NME8: variants seen among roughly 807,000 people sequenced by gnomAD.
The protein encoded by NME8 is protein NME8.
NME8 carries 72 observed loss-of-function variants against 82.3 expected under a neutral mutation model. The observed-to-expected ratio is 0.87, with a 90% CI of 0.72 to 1.06. The LOEUF is 1.06. Among genes scored for constraint, NME8 ranks in the 50% least tolerant of loss-of-function variants. The probability of loss-of-function intolerance (pLI) is 0.00; values close to 1 mark genes in which losing one functional copy is unlikely to be tolerated. For synonymous variants in NME8, 267 were observed against 228.5 expected, an observed-to-expected ratio of 1.17 and a Z score of -1.52; for missense variants, 712 against 685.4, an observed-to-expected ratio of 1.04 and a Z score of -0.43.
chr7:37,855,344 C>T (rs1319782788), intron 5 of NME8, among the ~76,000 whole-genome samples: 1 of 152,160 alleles, frequency 6.6e-6, no homozygotes, highest in African/African-American at 2.4e-5. Flanking sequence ...CTGGTGTTAT[C>T]TTTTCCTTTC....
At chr7:37,866,664 G>A (rs769089168) in intron 10 of NME8, among the ~76,000 whole-genome samples, 23 of 152,282 alleles carry the variant, frequency 1.5e-4, no homozygotes, top group Non-Finnish European at 2.5e-4. Flanking sequence ...CTAGTGACTG[G>A]GAAGGGATAG....
intron 14 of NME8, among the ~76,000 whole-genome samples, chr7:37,887,141 G>GA (rs1227374432): frequency 2.0e-5 from 3 of 152,134 alleles, no homozygotes; most frequent in Non-Finnish European, 4.4e-5. Flanking sequence ...AAGGACAACT[G>GA]AAAAAATACC....
In NME8 at chr7:37,897,870, T is replaced by C. The variant is rs572756848; in HGVS notation, c.*15+763T>C. 5.3e-5 allele frequency among the ~76,000 whole-genome samples: 8 copies of C among 152,354 alleles called. No individual in the cohort carries two copies. In the South Asian group the frequency reaches 1.5e-3, roughly 28 times the overall value. Reference sequence around the variant, plus strand: ...CTTTTGATGGCTGCGTAGTATTCCATGTACCACATTTTCTTTATCCAGTCT... The same window carrying C: ...CTTTTGATGGCTGCGTAGTATTCCACGTACCACATTTTCTTTATCCAGTCT... On this transcript the variant is annotated intron_variant, in intron 17 of 17. Transcript: ENST00000199447.
chr7:37,896,389 A>G (rs541237442), intron 16 of NME8, among the ~76,000 whole-genome samples: 5 of 152,312 alleles, frequency 3.3e-5, no homozygotes, highest in African/African-American at 9.6e-5. Context: ...ACCAGACAAC[A>G]GCCTCTGCTA....
rs766795421 is a variant in NME8, at chr7:37,894,605, A to T, written c.1539A>T (p.Leu513Phe). Reference sequence around the variant, plus strand: ...TTTATAAAGATTTATTGGAAATGTTATCTGTGTAAGTTTCTGATACATAAT... The same window carrying T: ...TTTATAAAGATTTATTGGAAATGTTTTCTGTGTAAGTTTCTGATACATAAT... ...KDFYKDLLEMLSVGPSMVMIL... is the reference protein window; with the variant it reads ...KDFYKDLLEMFSVGPSMVMIL... Residue 513 changes from leucine to phenylalanine, a missense_variant, in exon 16 of 18, where the codon TTA (leucine) becomes TTT (phenylalanine). Leu to Phe is a conservative substitution (Grantham distance 22, BLOSUM62 0). Transcript: ENST00000199447. 1.0e-5 allele frequency: 16 copies of T among 1,586,064 alleles called. No homozygotes were observed. The African/African-American group carries it at 1.5e-4, about 15-fold the overall frequency.
chr7:37,897,520 G>T (rs1317626668), intron 17 of NME8, among the ~76,000 whole-genome samples: 1 of 151,950 alleles, frequency 6.6e-6, no homozygotes, highest in Non-Finnish European at 1.5e-5. Flanking sequence ...ATCTTTATTT[G>T]TTCTAAACAA....
chr7:37,871,903 G>A (rs900868440), intron 11 of NME8, among the ~76,000 whole-genome samples: 1 of 151,954 alleles, frequency 6.6e-6, no homozygotes, highest in African/African-American at 2.4e-5. Context: ...AAGTCTGAAT[G>A]CTATACCCTG....
rs117445527 is a variant in NME8 at position 37,887,520 on chromosome 7, G to T, written c.1248-757G>T. Among the ~76,000 whole-genome samples the T allele has an allele frequency of 7.9e-3, 1,200 of 152,270 alleles. 16 individuals carry two copies. Among genetic ancestry groups the T allele is most frequent in the Admixed American group, 0.011 (168 of 15,274 alleles). On this transcript the variant is annotated intron_variant, in intron 14 of 17. Coordinates refer to ENST00000199447, the MANE Select transcript of NME8 (RefSeq NM_016616.5). ...TCTGCAAAATCACCTTCTGAAACAG[G>T]TTTTATTGTTGTATTTATATTTGAG...
chr7:37,885,333 A>G (rs759697628), intron 14 of NME8, 81 bp downstream of exon 14: 5 of 872,998 alleles, frequency 5.7e-6, no homozygotes, highest in South Asian at 4.2e-5. Flanking sequence ...TATTGGAACC[A>G]CAGCTCTAGT....
chr7:37,874,973 T>C (rs1451529832), intron 11 of NME8, among the ~76,000 whole-genome samples: 2 of 152,166 alleles, frequency 1.3e-5, no homozygotes, highest in Non-Finnish European at 2.9e-5. Context: ...ATACACCTCC[T>C]ATGTGATGGA....
intron 11 of NME8, among the ~76,000 whole-genome samples, chr7:37,873,527 A>G (rs1054371518): frequency 2.0e-5 from 3 of 150,228 alleles, no homozygotes; most frequent in African/African-American, 7.5e-5. Flanking sequence ...TGTATATATT[A>G]ATCTGTCACA....
intron 11 of NME8, among the ~76,000 whole-genome samples, chr7:37,870,660 G>C (rs1034180795): frequency 6.6e-6 from 1 of 151,732 alleles, no homozygotes; most frequent in African/African-American, 2.4e-5. Context: ...GCCTCATGCA[G>C]CCAGTGGGCT....
At chr7:37,860,340 C>T (rs1232059326) in intron 6 of NME8, among the ~76,000 whole-genome samples, 1 of 152,140 alleles carries the variant, frequency 6.6e-6, no homozygotes, top group Admixed American at 6.6e-5. Flanking sequence ...TCCATTCTAC[C>T]TGAGCTCTGA....
intron 15 of NME8, 31 bp downstream of exon 15, chr7:37,888,459 A>G (rs764646864): frequency 1.3e-6 from 2 of 1,590,200 alleles, no homozygotes; most frequent in South Asian, 2.2e-5. Flanking sequence ...GTGAATGTAT[A>G]CATTTTCTCC....
Position 37,891,736 on chromosome 7 carries a change from A to G in NME8, c.1400-2730A>G, listed in dbSNP as rs144765935. On this transcript the variant is annotated intron_variant, in intron 15 of 17. Transcript: ENST00000199447. Reference sequence around the variant, plus strand: ...TTCTTTTCTGCTTATCACTAGAGACAGAAACTAAAAACCATGGTTTTGGGC... The same window carrying G: ...TTCTTTTCTGCTTATCACTAGAGACGGAAACTAAAAACCATGGTTTTGGGC... Among the ~76,000 whole-genome samples the G allele has an allele frequency of 4.6e-3, 700 of 152,020 alleles. 8 individuals are homozygous for G. The highest frequency in any genetic ancestry group is 0.016 in the African/African-American group (649 of 41,546).
In NME8 at chr7:37,862,061, A is replaced by T. The variant is rs1784604513; in HGVS notation, c.304A>T (p.Asn102Tyr). Reference protein sequence around the residue: ...GKIIEKIQGANAPLVNKKVIN... With the variant: ...GKIIEKIQGAYAPLVNKKVIN... ...AATTATCGAAAAGATTCAGGGTGCAAATGCACCGCTTGTTAATAAAAAAGT... is the reference window on the plus strand; with the variant it reads ...AATTATCGAAAAGATTCAGGGTGCATATGCACCGCTTGTTAATAAAAAAGT... The change falls in exon 7 of 18, where the codon AAT (asparagine) becomes TAT (tyrosine). Residue 102 changes from asparagine (N) to tyrosine (Y), a missense_variant. Transcript: ENST00000199447. 3.3e-5 allele frequency: 53 copies of T among 1,613,468 alleles called. No homozygotes were observed. Among genetic ancestry groups the T allele is most frequent in the Non-Finnish European group, 4.4e-5 (52 of 1,179,624 alleles).
At chr7:37,875,851 C>T (rs1784839587) in intron 11 of NME8, among the ~76,000 whole-genome samples, 2 of 152,002 alleles carry the variant, frequency 1.3e-5, no homozygotes, top group Non-Finnish European at 2.9e-5. Context: ...GGAAAAAATA[C>T]CTGCTAGCAG....
intron 7 of NME8, among the ~76,000 whole-genome samples, chr7:37,862,819 T>C (rs1386672709): frequency 1.3e-5 from 2 of 152,166 alleles, no homozygotes; most frequent in Non-Finnish European, 2.9e-5. Context: ...TCCCATGCTC[T>C]TATTAAATTT....
In NME8 at chr7:37,862,256, C is replaced by T. The variant is rs943964638; in HGVS notation, c.387+112C>T. 6.5e-4 allele frequency: 482 copies of T among 743,992 alleles called. 3 individuals carry two copies. Among genetic ancestry groups the T allele is most frequent in the Non-Finnish European group, 1.5e-4 (63 of 416,492 alleles). 46.1% of individuals were successfully genotyped at this position (743,992 alleles called of 1,614,324 possible). A position where few individuals can be genotyped will look rare whatever the true frequency, so the allele number is the denominator to read the frequency against. ...TCTAAAGGCTTTGAGTACTTTATGT[C>T]TTTTAATTTTAAAAAAGTACATTAC... On this transcript the variant is annotated intron_variant, in intron 7 of 17. Coordinates refer to ENST00000199447, the MANE Select transcript of NME8 (RefSeq NM_016616.5).
Sources: allele counts gnomAD v4.1 joint callset (sites outside exome capture counted in the v4.1 genomes callset), GRCh38; gene constraint gnomAD v4.1.1; transcripts MANE v1.5; gene names NCBI Gene and HGNC (gene_info 2026-07-23, HGNC 2026-07-21).